HIPK2: variants seen among roughly 807,000 people sequenced by gnomAD.
HIPK2 encodes homeodomain-interacting protein kinase 2.
In HIPK2, 27 loss-of-function variants were observed where a neutral mutation model predicts 113.7. The ratio of observed to expected loss-of-function variants is 0.24; its 90% CI spans 0.17 to 0.33. The LOEUF (loss-of-function observed/expected upper bound fraction) is 0.33, where lower values mean the gene tolerates loss of function less well. HIPK2 is among the 10% of genes least tolerant of loss of function. The probability of loss-of-function intolerance (pLI) is 1.00; values close to 1 mark genes in which losing one functional copy is unlikely to be tolerated. For synonymous variants in HIPK2, 631 were observed against 642.2 expected (o/e 0.98, Z 0.26); for missense variants, 1,257 against 1,588.0 (o/e 0.79, Z 3.54).
At chr7:139,573,543 A>G (rs1798384234) in intron 14 of HIPK2, 146 bp from the exon 15 acceptor site, 1 of 776,256 alleles carries the variant, frequency 1.3e-6, no homozygotes, top group African/African-American at 1.7e-5. Context: ...GTGTTGAGAA[A>G]GTAAAAATTT....
chr7:139,593,359 T>C (rs942403183), intron 12 of HIPK2, among the ~76,000 whole-genome samples: 1 of 152,208 alleles, frequency 6.6e-6, no homozygotes, highest in Non-Finnish European at 1.5e-5. Context: ...TTTGCTATGA[T>C]TCTCCTGTCT....
chr7:139,601,095 T>C (rs923324500), intron 10 of HIPK2, among the ~76,000 whole-genome samples: 1 of 151,896 alleles, frequency 6.6e-6, no homozygotes, highest in Non-Finnish European at 1.5e-5. Context: ...ATACAAAAAA[T>C]TAGCTGGGCA....
intron 1 of HIPK2, among the ~76,000 whole-genome samples, chr7:139,741,247 G>T (rs1447074747): frequency 1.3e-5 from 2 of 152,178 alleles, no homozygotes; most frequent in Non-Finnish European, 2.9e-5. Flanking sequence ...TCCTGGAATG[G>T]CTGGCTCTCT....
At chr7:139,623,884 T>C (rs905273334) in intron 6 of HIPK2, among the ~76,000 whole-genome samples, 12 of 152,178 alleles carry the variant, frequency 7.9e-5, no homozygotes, top group African/African-American at 2.9e-4. Flanking sequence ...CTGATCCTTA[T>C]AGAATCTGCT....
intron 2 of HIPK2, among the ~76,000 whole-genome samples, chr7:139,685,102 C>A (rs561572538): frequency 6.6e-6 from 1 of 152,340 alleles, no homozygotes; most frequent in Non-Finnish European, 1.5e-5. Flanking sequence ...AGTGCCCATA[C>A]AGAAGCTGCA....
chr7:139,634,352 T>C (rs940317383), intron 2 of HIPK2, among the ~76,000 whole-genome samples: 23 of 151,970 alleles, frequency 1.5e-4, no homozygotes, highest in Non-Finnish European at 2.9e-4. Flanking sequence ...TTGGCCTTTG[T>C]CTCCTTTGGT....
intron 2 of HIPK2, among the ~76,000 whole-genome samples, chr7:139,667,453 G>C (rs1277861749): frequency 6.6e-6 from 1 of 152,302 alleles, no homozygotes; most frequent in East Asian, 1.9e-4. Flanking sequence ...TTGAAAAACT[G>C]ACCTTTAGAA....
At position 139,630,217 on chromosome 7, in the gene HIPK2, G is replaced by A. The variant is rs969106254; in HGVS notation, c.1347+948C>T. 6.6e-6 allele frequency among the ~76,000 whole-genome samples: 1 copy of A among 152,082 alleles called. No homozygotes were observed. Among genetic ancestry groups the A allele is most frequent in the Admixed American group, 6.6e-5 (1 of 15,266 alleles). ...GAAAGCAAACTATGTTTCTGTTAAA[G>A]TGAAGCCCCTGCCCCCGGAGTTTCA... On this transcript the variant is annotated intron_variant, in intron 4 of 14. Coordinates refer to ENST00000406875, the MANE Select transcript of HIPK2 (RefSeq NM_022740.5). This position sits in a 1 kb window ranked among gnomAD's most constrained non-coding sequence, Gnocchi z 4.0.
rs535262338 is a variant in HIPK2 at position 139,629,830 on chromosome 7, CAACAGCA to C, written c.1348-798_1348-792del. 2.2e-3 allele frequency among the ~76,000 whole-genome samples: 332 copies of C among 152,268 alleles called. 2 individuals are homozygous for C. The highest frequency in any genetic ancestry group is 7.8e-3 in the African/African-American group (322 of 41,534). ...GGGACTGAGGCTCTTCAATAAAACA[CAACAGCA>C]AACTCCAGCCTCACCCTCCTCCACC... On this transcript the variant is annotated intron_variant, in intron 4 of 14. Coordinates refer to ENST00000406875, the MANE Select transcript of HIPK2 (RefSeq NM_022740.5).
At chr7:139,586,947 G>A (rs1397505962) in intron 12 of HIPK2, among the ~76,000 whole-genome samples, 1 of 152,122 alleles carries the variant, frequency 6.6e-6, no homozygotes, top group Non-Finnish European at 1.5e-5. Flanking sequence ...GGGGAGAGGA[G>A]AGTGGGAAGT....
At chr7:139,767,100 C>T (rs992530651) in intron 1 of HIPK2, among the ~76,000 whole-genome samples, 1 of 152,220 alleles carries the variant, frequency 6.6e-6, no homozygotes, top group Non-Finnish European at 1.5e-5. Flanking sequence ...AAAGCTTTCA[C>T]CAAAACAACC....
intron 1 of HIPK2, among the ~76,000 whole-genome samples, chr7:139,747,291 C>A (rs912803507): frequency 6.6e-6 from 1 of 152,158 alleles, no homozygotes; most frequent in East Asian, 1.9e-4. Context: ...CATCTGCAAT[C>A]AATAAGTCTA....
At chr7:139,775,467 T>C (rs1796723882) in intron 1 of HIPK2, among the ~76,000 whole-genome samples, 1 of 151,912 alleles carries the variant, frequency 6.6e-6, no homozygotes, top group Admixed American at 6.6e-5. Flanking sequence ...TGAGGTGGGA[T>C]GGGGAGGAAG....
chr7:139,639,572 G>T (rs141258373), intron 2 of HIPK2, among the ~76,000 whole-genome samples: 124 of 152,268 alleles, frequency 8.1e-4, no homozygotes, highest in South Asian at 5.8e-3. Context: ...ACACAAAGAT[G>T]GGGGAAATTG....
intron 6 of HIPK2, 95 bp from the exon 7 acceptor site, chr7:139,620,658 G>A: frequency 6.8e-7 from 1 of 1,463,844 alleles, no homozygotes; most frequent in Non-Finnish European, 9.3e-7. Context: ...AAGGAGAGAA[G>A]GGTTAATTCA....
chr7:139,600,586 C>T lies in HIPK2; in HGVS notation c.2266G>A (p.Ala756Thr). 6.2e-7 allele frequency: 1 copy of T among 1,613,772 alleles called. No individual in the cohort carries two copies. Among genetic ancestry groups the T allele is most frequent in the Non-Finnish European group, 8.5e-7 (1 of 1,179,758 alleles). ...QQLADWRNTH[A>T]HGSHYNPIMQ... is the part of the protein sequence containing the mutation. ...ATGGGATTATAATGGCTTCCGTGAG[C>T]ATGCGTATTTCTGAAAGGCAACCGG... Residue 756 changes from alanine (A) to threonine (T), a missense_variant, in exon 11 of 15, where the codon GCT becomes ACT. This residue lies in a region of HIPK2 where 862 missense variants were observed against 1,004.3 expected (regional missense o/e 0.86). Coordinates refer to ENST00000406875, the MANE Select transcript of HIPK2 (RefSeq NM_022740.5).
intron 1 of HIPK2, among the ~76,000 whole-genome samples, chr7:139,750,131 T>C (rs1352590373): frequency 1.3e-5 from 2 of 152,214 alleles, no homozygotes; most frequent in Non-Finnish European, 2.9e-5. Flanking sequence ...AAAATTGCAG[T>C]ATAAAGATGA....
intron 1 of HIPK2, among the ~76,000 whole-genome samples, chr7:139,746,779 G>A (rs1262060144): frequency 3.3e-5 from 5 of 152,156 alleles, no homozygotes; most frequent in African/African-American, 1.2e-4. Context: ...AGGTGGCTCA[G>A]CTCCTTCCTT....
At chr7:139,742,428 C>T (rs1208004343) in intron 1 of HIPK2, among the ~76,000 whole-genome samples, 2 of 152,150 alleles carry the variant, frequency 1.3e-5, no homozygotes, top group Non-Finnish European at 2.9e-5. Flanking sequence ...GCTTTAATAT[C>T]GCAGTGCACA....
Sources: allele counts gnomAD v4.1 joint callset (sites outside exome capture counted in the v4.1 genomes callset), GRCh38; gene constraint gnomAD v4.1.1; regional missense constraint gnomAD v4.1.1; non-coding constraint Gnocchi (gnomAD v3.1); transcripts MANE v1.5; gene names NCBI Gene and HGNC (gene_info 2026-07-23, HGNC 2026-07-21).